Variants in FMN2 observed in about 807,000 individuals in gnomAD.
FMN2 encodes the protein formin 2, also known as formin-2.
In FMN2, 51 loss-of-function variants were observed where a neutral mutation model predicts 142.3. The observed-to-expected ratio is 0.36, with a 90% CI of 0.29 to 0.45. FMN2 has a LOEUF of 0.45. Among genes scored for constraint, FMN2 ranks in the 20% least tolerant of loss-of-function variants. FMN2 has a pLI of 1.00. For missense variants in FMN2, 1,936 were observed against 2,122.8 expected, an observed-to-expected ratio of 0.91 and a Z score of 1.73; for synonymous variants, 882 against 869.8, an observed-to-expected ratio of 1.01 and a Z score of -0.25.
At chr1:240,288,166 C>G (rs1385395964) in intron 7 of FMN2, among the ~76,000 whole-genome samples, 1 of 152,082 alleles carries the variant, frequency 6.6e-6, no homozygotes, top group Admixed American at 6.5e-5. Flanking sequence ...CTGGGTTCTT[C>G]TAGATAGAGA....
chr1:240,245,046 A>G (rs2078095), intron 6 of FMN2, among the ~76,000 whole-genome samples: 33,465 of 152,100 alleles, frequency 0.22, 4,062 homozygotes, highest in Middle Eastern at 0.36. Flanking sequence ...TATCATGTAT[A>G]TGTTGCAGTA....
At chr1:240,142,064 T>C (rs1205330284) in intron 2 of FMN2, among the ~76,000 whole-genome samples, 2 of 152,182 alleles carry the variant, frequency 1.3e-5, no homozygotes, top group African/African-American at 4.8e-5. Context: ...CACAGACTGA[T>C]GGAATGCACT....
At chr1:240,442,668 T>G (rs995493572) in intron 16 of FMN2, among the ~76,000 whole-genome samples, 8 of 152,242 alleles carry the variant, frequency 5.3e-5, no homozygotes, top group African/African-American at 1.9e-4. Flanking sequence ...AATCCTGTAT[T>G]AATCTTTCTT....
chr1:240,460,088 C>T (rs555451845), intron 16 of FMN2, among the ~76,000 whole-genome samples: 6 of 152,146 alleles, frequency 3.9e-5, no homozygotes, highest in East Asian at 1.9e-4. Flanking sequence ...TTTTCTTCTC[C>T]GGATGAATCT....
Position 240,092,236 on chromosome 1 carries a change from A to G in FMN2, c.127A>G (p.Lys43Glu). 1 of 1,577,514 alleles carries G rather than the reference A, an allele frequency of 6.3e-7. No homozygotes were observed. The highest frequency in any genetic ancestry group is 8.6e-7 in the Non-Finnish European group (1 of 1,162,136). ...CACAAAGAAGGGGAGCGGGGGCAAG[A>G]AGGCGCTAGGCAAGCACGGCAAGGG... is the stretch of plus-strand genomic sequence containing the variant. The part of the protein sequence containing the change: ...EATKKGSGGK[K>E]ALGKHGKGGG... Residue 43 changes from lysine (K) to glutamate (E), a missense_variant, in exon 1 of 18, where the codon AAG (lysine) becomes GAG (glutamate). Transcript: ENST00000319653.
intron 1 of FMN2, among the ~76,000 whole-genome samples, chr1:240,097,402 C>G (rs934384227): frequency 6.7e-6 from 1 of 150,352 alleles, no homozygotes; most frequent in South Asian, 2.1e-4. Flanking sequence ...GTTGCCCAGG[C>G]TGGAGTGCAG....
rs1030466251 is a variant in FMN2 at position 240,231,141 on chromosome 1, C to G, written c.4065+19906C>G. 3.0e-5 allele frequency among the ~76,000 whole-genome samples: 4 copies of G among 131,742 alleles called. 1 individual carries two copies. The highest frequency in any genetic ancestry group is 9.7e-5 in the African/African-American group (3 of 30,774). 86.4% of individuals were successfully genotyped at this position (131,742 alleles called of 152,430 possible). On this transcript the variant is annotated intron_variant, in intron 6 of 17. Coordinates refer to ENST00000319653, the MANE Select transcript of FMN2 (RefSeq NM_020066.5). ...GCCTTCTTCTCAATACTGCCACACA[C>G]GAAGCAGGTAGACACACAGCTATTC...
intron 14 of FMN2, among the ~76,000 whole-genome samples, chr1:240,363,703 T>C (rs1190616355): frequency 6.6e-6 from 1 of 151,882 alleles, no homozygotes; most frequent in Non-Finnish European, 1.5e-5. Context: ...CTCAAGGTCC[T>C]GCCAGCTCTA....
intron 8 of FMN2, among the ~76,000 whole-genome samples, chr1:240,310,681 A>G (rs1032886183): frequency 2.0e-5 from 3 of 152,222 alleles, no homozygotes; most frequent in East Asian, 1.9e-4. Flanking sequence ...TTGGTTAACT[A>G]TATCTATTGC....
At chr1:240,204,198 C>T (rs769645132) in intron 4 of FMN2, among the ~76,000 whole-genome samples, 15 of 151,866 alleles carry the variant, frequency 9.9e-5, no homozygotes, top group Non-Finnish European at 2.1e-4. Flanking sequence ...TTCTAAATTA[C>T]TGGTTGTCTT....
At chr1:240,281,288 A>G (rs1414532586) in intron 7 of FMN2, among the ~76,000 whole-genome samples, 2 of 152,154 alleles carry the variant, frequency 1.3e-5, no homozygotes, top group African/African-American at 2.4e-5. Context: ...TGTATCTTAC[A>G]GTAAAGCTCC....
In FMN2 at chr1:240,207,485, G is replaced by T. The variant is rs763905334; in HGVS notation, c.2673G>T (p.Leu891=). 4 of 1,611,340 alleles carry T rather than the reference G, an allele frequency of 2.5e-6. No individual in the cohort carries two copies. The South Asian group carries it at 4.4e-5, about 18-fold the overall frequency. Reference sequence around the variant, plus strand: ...TCCCTGGCATGACAGTGCCTACTCTGCCCAGTACAGCCATTCCCCAACCTC... The same window carrying T: ...TCCCTGGCATGACAGTGCCTACTCTTCCCAGTACAGCCATTCCCCAACCTC... ...PPLPGMTVPT[L]PSTAIPQPPP... is the part of the protein sequence containing the mutation. The change falls in exon 5 of 18, where the codon CTG becomes CTT. Residue 891 remains leucine, a synonymous_variant. Transcript: ENST00000319653.
intron 14 of FMN2, among the ~76,000 whole-genome samples, chr1:240,374,775 C>A (rs1672989506): frequency 6.6e-6 from 1 of 152,124 alleles, no homozygotes; most frequent in Non-Finnish European, 1.5e-5. Flanking sequence ...ACTGAAGTAG[C>A]ACTTTAAATT....
intron 6 of FMN2, among the ~76,000 whole-genome samples, 178 bp from the exon 7 acceptor site, chr1:240,257,767 T>C (rs1668495617): frequency 6.6e-6 from 1 of 152,166 alleles, no homozygotes. Flanking sequence ...TGAAGATTTA[T>C]GATATAAAAC....
chr1:240,123,419 C>T (rs1662366122), intron 2 of FMN2, 74 bp downstream of exon 2: 2 of 1,438,318 alleles, frequency 1.4e-6, no homozygotes, highest in African/African-American at 1.4e-5. Context: ...TGTATCTGCC[C>T]AGTCACCCTA....
At chr1:240,392,872 T>TC (rs1673650820) in intron 15 of FMN2, among the ~76,000 whole-genome samples, 1 of 152,064 alleles carries the variant, frequency 6.6e-6, no homozygotes, top group South Asian at 2.1e-4. Context: ...GTTTGGGTTA[T>TC]CAAAAAAAAA....
chr1:240,188,154 A>C (rs1665558748), intron 3 of FMN2, 53 bp from the exon 4 acceptor site: 11 of 1,548,832 alleles, frequency 7.1e-6, no homozygotes, highest in Non-Finnish European at 9.7e-6. Flanking sequence ...TGATTGAAGA[A>C]ATAGGAAAAT....
At chr1:240,461,776 C>G (rs942803354) in intron 16 of FMN2, among the ~76,000 whole-genome samples, 5 of 152,122 alleles carry the variant, frequency 3.3e-5, no homozygotes, top group Non-Finnish European at 7.3e-5. Context: ...TGAGCCCCAG[C>G]CTGCTCATCT....
chr1:240,220,822 C>G (rs935993515), intron 6 of FMN2, among the ~76,000 whole-genome samples: 2 of 152,034 alleles, frequency 1.3e-5, no homozygotes, highest in African/African-American at 4.8e-5. Context: ...ACCCATCAAC[C>G]CGTCATCTAC....
Sources: gnomAD v4.1 joint callset for allele counts (sites outside exome capture counted in the v4.1 genomes callset) on GRCh38, gnomAD v4.1.1 for gene constraint, MANE v1.5 for transcripts, NCBI Gene and HGNC (gene_info 2026-07-23, HGNC 2026-07-21) for gene names.